Variants in ASIC2 observed in about 807,000 individuals in gnomAD.
The protein encoded by ASIC2 is acid-sensing ion channel 2.
ASIC2 carries 25 observed loss-of-function variants against 57.3 expected under a neutral mutation model. The ratio of observed to expected loss-of-function variants is 0.44; its 90% CI spans 0.32 to 0.61. ASIC2 has a LOEUF of 0.61. Ranked by LOEUF, ASIC2 falls within the 20% of genes least tolerant of loss-of-function variation. ASIC2 has a pLI of 0.06. For missense variants in ASIC2, 641 were observed against 738.1 expected (o/e 0.87, Z 1.52); for synonymous variants, 319 against 307.5 (o/e 1.04, Z -0.39).
chr17:33,103,433 T>C (rs1359169331), intron 2 of ASIC2, among the ~76,000 whole-genome samples: 2 of 152,248 alleles, frequency 1.3e-5, no homozygotes, highest in East Asian at 3.8e-4. Flanking sequence ...CTCTATATCT[T>C]GTGCTGTTAG....
At chr17:34,091,241 T>G (rs766572222) in intron 1 of ASIC2, among the ~76,000 whole-genome samples, 1 of 152,256 alleles carries the variant, frequency 6.6e-6, no homozygotes, top group Non-Finnish European at 1.5e-5. Context: ...AGTTTGTCTT[T>G]TCACATAATC....
intron 1 of ASIC2, among the ~76,000 whole-genome samples, chr17:33,878,906 C>T (rs1233928663): frequency 6.6e-6 from 1 of 152,174 alleles, no homozygotes; most frequent in South Asian, 2.1e-4. Flanking sequence ...AACAGCTGAT[C>T]TCTTGGCAGA....
At chr17:33,568,475 A>C (rs1916319300) in intron 1 of ASIC2, among the ~76,000 whole-genome samples, 1 of 152,148 alleles carries the variant, frequency 6.6e-6, no homozygotes, top group African/African-American at 2.4e-5. Context: ...CTTAAATAAG[A>C]CTGTTCCCTC....
chr17:33,637,384 T>A (rs1488468555), intron 1 of ASIC2, among the ~76,000 whole-genome samples: 1 of 151,932 alleles, frequency 6.6e-6, no homozygotes, highest in African/African-American at 2.4e-5. Context: ...CCACCCTACC[T>A]TATGTCCACA....
intron 1 of ASIC2, among the ~76,000 whole-genome samples, chr17:33,877,484 C>G (rs1337098101): frequency 1.3e-5 from 2 of 152,232 alleles, no homozygotes; most frequent in African/African-American, 4.8e-5. Context: ...CCATTCCTGG[C>G]TCGGAGGGTC....
chr17:33,630,144 C>T (rs1906115137), intron 1 of ASIC2, among the ~76,000 whole-genome samples: 1 of 152,090 alleles, frequency 6.6e-6, no homozygotes, highest in Non-Finnish European at 1.5e-5. Context: ...TCTTCCCTAC[C>T]CTCAATCCCT....
intron 1 of ASIC2, chr17:33,816,732 C>T (rs1391597713): frequency 2.0e-5 from 3 of 152,224 alleles, no homozygotes; most frequent in Non-Finnish European, 4.4e-5. Context: ...TCCAGCCCTC[C>T]CTCCTGCAGA....
intron 1 of ASIC2, among the ~76,000 whole-genome samples, chr17:33,659,907 TAAATAAATA>T (rs1177513849): frequency 7.3e-6 from 1 of 137,296 alleles, no homozygotes; most frequent in African/African-American, 3.0e-5. Flanking sequence ...AATAAATAAA[TAAATAAATA>T]AAATAAAAAT....
At chr17:33,508,085 C>G (rs567458130) in intron 1 of ASIC2, among the ~76,000 whole-genome samples, 7 of 152,056 alleles carry the variant, frequency 4.6e-5, no homozygotes, top group Non-Finnish European at 1.0e-4. Flanking sequence ...CTCCTCCTCC[C>G]TCTCCTCCCT....
At chr17:34,024,747 G>A (rs1907310970) in intron 1 of ASIC2, among the ~76,000 whole-genome samples, 1 of 152,120 alleles carries the variant, frequency 6.6e-6, no homozygotes, top group Non-Finnish European at 1.5e-5. Context: ...GACCCATTTA[G>A]TCCCTCTCCA....
At chr17:33,492,141 A>T (rs1322779972) in intron 1 of ASIC2, among the ~76,000 whole-genome samples, 1 of 152,352 alleles carries the variant, frequency 6.6e-6, no homozygotes, top group Admixed American at 6.5e-5. Flanking sequence ...ATGTAATAAC[A>T]CAGCTAGCAT....
chr17:33,268,976 A>G (rs1339616490), intron 1 of ASIC2, among the ~76,000 whole-genome samples: 3 of 152,068 alleles, frequency 2.0e-5, no homozygotes, highest in Non-Finnish European at 1.5e-5. Context: ...CTTCATTTCC[A>G]TCTTTACAGA....
chr17:33,387,597 C>T (rs930251699), intron 1 of ASIC2, among the ~76,000 whole-genome samples: 4 of 152,232 alleles, frequency 2.6e-5, no homozygotes, highest in African/African-American at 9.6e-5. Flanking sequence ...TGCCCCGAAA[C>T]AAATCAGATC....
At chr17:33,826,784 G>T (rs1052993017) in intron 1 of ASIC2, among the ~76,000 whole-genome samples, 1 of 152,282 alleles carries the variant, frequency 6.6e-6, no homozygotes, top group African/African-American at 2.4e-5. Flanking sequence ...GAGGGAAGTC[G>T]TTAAAAGGAA....
At chr17:33,688,682 A>C (rs538373972) in intron 1 of ASIC2, 1 of 152,358 alleles carries the variant, frequency 6.6e-6, no homozygotes, top group South Asian at 2.1e-4. Context: ...ACTAGTGGCA[A>C]AAGCTGCTCT....
At chr17:33,113,323 A>T (rs1405808911) in intron 1 of ASIC2, among the ~76,000 whole-genome samples, 17 of 152,248 alleles carry the variant, frequency 1.1e-4, no homozygotes, top group Non-Finnish European at 2.2e-4. Flanking sequence ...GAGGTAATGC[A>T]TGCAAAAGTG....
intron 1 of ASIC2, among the ~76,000 whole-genome samples, chr17:33,799,944 A>T (rs1392844240): frequency 6.6e-6 from 1 of 152,176 alleles, no homozygotes; most frequent in Non-Finnish European, 1.5e-5. Flanking sequence ...AAAACAGGGC[A>T]TTGAATAAAC....
At chr17:33,714,303 C>T (rs7212300) in intron 1 of ASIC2, among the ~76,000 whole-genome samples, 20,100 of 152,096 alleles carry the variant, frequency 0.13, 1,398 homozygotes, top group African/African-American at 0.17. Flanking sequence ...TGTAAAAGAA[C>T]GTTCATTGCA....
At chr17:33,653,563 C>G (rs1029525138) in intron 1 of ASIC2, among the ~76,000 whole-genome samples, 1 of 152,110 alleles carries the variant, frequency 6.6e-6, no homozygotes, top group African/African-American at 2.4e-5. Context: ...AGGTCAATTA[C>G]ACCTTCTTGT....
Sources: gnomAD v4.1 joint callset for allele counts (sites outside exome capture counted in the v4.1 genomes callset) on GRCh38, gnomAD v4.1.1 for gene constraint, MANE v1.5 for transcripts, NCBI Gene and HGNC (gene_info 2026-07-23, HGNC 2026-07-21) for gene names.